Variants in POU3F3 observed in about 807,000 individuals in gnomAD.
POU3F3 encodes the protein POU class 3 homeobox 3, also known as POU domain, class 3, transcription factor 3.
Under a neutral mutation model 8.6 loss-of-function variants are expected in POU3F3, and 1 was observed. The ratio of observed to expected loss-of-function variants is 0.12; its 90% CI spans 0.04 to 0.55. The LOEUF (loss-of-function observed/expected upper bound fraction) is 0.55, where lower values mean the gene tolerates loss of function less well. Among genes scored for constraint, POU3F3 ranks in the 20% least tolerant of loss-of-function variants. The pLI, the probability that POU3F3 is intolerant of heterozygous loss-of-function variation, is 0.91. For missense variants in POU3F3, 577 were observed against 690.7 expected, an observed-to-expected ratio of 0.84 and a Z score of 1.84; for synonymous variants, 418 against 327.4, an observed-to-expected ratio of 1.28 and a Z score of -2.99.
At chr2:104,888,092 G>T in the POU3F3 span, among the ~76,000 whole-genome samples, 3 of 152,176 alleles carry the variant, frequency 2.0e-5, no homozygotes, top group Non-Finnish European at 4.4e-5. Flanking sequence ...ATCCATTTCA[G>T]ATATAATGCG....
downstream of POU3F3, among the ~76,000 whole-genome samples, chr2:104,858,953 C>T (rs1409541650): frequency 6.6e-6 from 1 of 151,480 alleles, no homozygotes; most frequent in East Asian, 1.9e-4. Context: ...TACAGCCCCT[C>T]CCCCCAAGTT....
At chr2:104,868,588 G>C in the POU3F3 span, among the ~76,000 whole-genome samples, 1 of 152,152 alleles carries the variant, frequency 6.6e-6, no homozygotes, top group African/African-American at 2.4e-5. Flanking sequence ...CCTCAGGCCA[G>C]ACCTCCAGAC....
chr2:104,927,683 G>C, the POU3F3 span, among the ~76,000 whole-genome samples: 1 of 148,380 alleles, frequency 6.7e-6, no homozygotes, highest in African/African-American at 2.5e-5. Context: ...AGAGTTTAAG[G>C]CTGCAGTGAA....
the POU3F3 span, among the ~76,000 whole-genome samples, chr2:104,875,995 G>A: frequency 6.6e-6 from 1 of 152,190 alleles, no homozygotes; most frequent in Non-Finnish European, 1.5e-5. Flanking sequence ...TGGGATTACA[G>A]GCATGAGCCA....
the POU3F3 span, among the ~76,000 whole-genome samples, chr2:104,921,643 A>C: frequency 6.6e-6 from 1 of 152,048 alleles, no homozygotes; most frequent in Non-Finnish European, 1.5e-5. Flanking sequence ...CCCTCCTCTC[A>C]CTTCATTTTT....
At chr2:104,926,756 C>T in the POU3F3 span, among the ~76,000 whole-genome samples, 1 of 152,132 alleles carries the variant, frequency 6.6e-6, no homozygotes, top group African/African-American at 2.4e-5. Context: ...CCATCGAATA[C>T]TATGCAGCCA....
In POU3F3 at chr2:104,856,395, C is replaced by G; in HGVS notation, c.885C>G (p.Gly295=). ...PHHAQGPPHH[G]GGGGGAGPGL... The stretch of plus-strand genomic sequence containing the variant: ...ACGCGCAGGGACCCCCGCACCACGG[C>G]GGCGGCGGCGGCGGCGCGGGGCCTG... The change falls in exon 1 of 1, where the codon GGC becomes GGG. Residue 295 remains glycine, a synonymous_variant. Transcript: ENST00000361360. 1.3e-6 allele frequency: 2 copies of G among 1,571,146 alleles called. No individual in the cohort carries two copies. The highest frequency in any genetic ancestry group is 1.7e-6 in the Non-Finnish European group (2 of 1,160,578).
Position 104,855,082 on chromosome 2 carries a change from C to T in POU3F3, c.-429C>T, listed in dbSNP as rs1034392530. ...GCGCCCCGAGTGCAGGTCCCCGCCCCGCCCGGCGAGCCCCGCTGGAGCGAG... is the reference window on the plus strand; with the variant it reads ...GCGCCCCGAGTGCAGGTCCCCGCCCTGCCCGGCGAGCCCCGCTGGAGCGAG... On this transcript the variant is annotated 5_prime_UTR_variant, in exon 1 of 1. Transcript: ENST00000361360. Among the ~76,000 whole-genome samples the T allele has an allele frequency of 6.6e-6, 1 of 151,896 alleles. No individual in the cohort carries two copies. The highest frequency in any genetic ancestry group is 6.6e-5 in the Admixed American group (1 of 15,266).
the POU3F3 span, among the ~76,000 whole-genome samples, chr2:104,917,252 T>A: frequency 2.0e-4 from 31 of 152,298 alleles, no homozygotes; most frequent in Admixed American, 9.2e-4. Context: ...CTCTATAATC[T>A]ATGCATAGAT....
rs919194877 is a variant in POU3F3 at position 104,857,008 on chromosome 2, C to T, written c.1498C>T (p.Gln500Ter). The change falls in exon 1 of 1, where the codon CAG becomes TAG. Residue 500 changes from glutamine to a stop codon, truncating the protein, a stop_gained. Coordinates refer to ENST00000361360, the MANE Select transcript of POU3F3 (RefSeq NM_006236.3). LOFTEE classifies it high-confidence loss of function. ...TCACCACGGGCTGCAGACGAGCGTT[C>T]AGTGAAGCCAGGGCGCAGAGCGAAG... ...PPHHGLQTSV[Q>*] The T allele has an allele frequency of 3.1e-6, 5 of 1,593,790 alleles. No homozygotes were observed. In the African/African-American group the frequency reaches 6.7e-5, roughly 21 times the overall value.
chr2:104,903,620 C>T, the POU3F3 span, among the ~76,000 whole-genome samples: 1 of 152,188 alleles, frequency 6.6e-6, no homozygotes, highest in Non-Finnish European at 1.5e-5. Context: ...CTAATTAAGT[C>T]AACTTTAACA....
the POU3F3 span, among the ~76,000 whole-genome samples, chr2:104,892,133 G>A: frequency 6.6e-6 from 1 of 152,160 alleles, no homozygotes; most frequent in Non-Finnish European, 1.5e-5. Context: ...TGAGCCTTCT[G>A]CACACTGCTG....
the POU3F3 span, among the ~76,000 whole-genome samples, chr2:104,912,282 G>A: frequency 2.0e-5 from 3 of 152,220 alleles, no homozygotes; most frequent in African/African-American, 7.2e-5. Flanking sequence ...GAAGGAGGGA[G>A]TTTGGGGCTG....
At chr2:104,867,866 G>A in the POU3F3 span, 1 of 185,472 alleles carries the variant, frequency 5.4e-6, no homozygotes, top group Non-Finnish European at 1.1e-5. The surrounding 1 kb of genome is among the most constrained non-coding windows in gnomAD (Gnocchi z 5.0). Context: ...CACTCACAGC[G>A]GCTAGTTGGG....
chr2:104,886,447 A>C, the POU3F3 span, among the ~76,000 whole-genome samples: 1 of 152,204 alleles, frequency 6.6e-6, no homozygotes, highest in Non-Finnish European at 1.5e-5. Context: ...GTAACAGGCT[A>C]TACCATGCAG....
the POU3F3 span, among the ~76,000 whole-genome samples, chr2:104,915,214 A>G: frequency 6.6e-6 from 1 of 152,184 alleles, no homozygotes; most frequent in Non-Finnish European, 1.5e-5. Context: ...AGTCTTTCTC[A>G]GTTTTGACAG....
the POU3F3 span, among the ~76,000 whole-genome samples, chr2:104,887,398 CAT>C: frequency 3.3e-5 from 5 of 152,286 alleles, no homozygotes; most frequent in Non-Finnish European, 7.4e-5. Context: ...CATAACGACA[CAT>C]GTCTTAGAAT....
chr2:104,922,643 C>A, the POU3F3 span, among the ~76,000 whole-genome samples: 2 of 152,204 alleles, frequency 1.3e-5, no homozygotes, highest in South Asian at 4.2e-4. Flanking sequence ...GTAAACACAG[C>A]CTCAGAGACC....
chr2:104,859,272 A>G (rs1044988578), downstream of POU3F3, among the ~76,000 whole-genome samples: 2 of 152,098 alleles, frequency 1.3e-5, no homozygotes, highest in Admixed American at 1.3e-4. Context: ...GTATGATTCT[A>G]TATCTTCTTT....
Sources: gnomAD v4.1 joint callset for allele counts (sites outside exome capture counted in the v4.1 genomes callset) on GRCh38, gnomAD v4.1.1 for gene constraint, Gnocchi (gnomAD v3.1) non-coding constraint, MANE v1.5 for transcripts, NCBI Gene and HGNC (gene_info 2026-07-23, HGNC 2026-07-21) for gene names.